Variants in MYCBP2 observed in about 807,000 individuals in gnomAD.
The protein encoded by MYCBP2 is E3 ubiquitin-protein ligase MYCBP2.
Under a neutral mutation model 525.3 loss-of-function variants are expected in MYCBP2, and 120 were observed. The ratio of observed to expected loss-of-function variants is 0.23; its 90% confidence interval spans 0.20 to 0.27. The LOEUF is 0.27. Ranked by LOEUF, MYCBP2 falls within the 10% of genes least tolerant of loss-of-function variation. MYCBP2 has a pLI of 1.00. For missense variants in MYCBP2, 4,149 were observed against 5,657.1 expected, an observed-to-expected ratio of 0.73 and a Z score of 8.55; for synonymous variants, 1,894 against 1,955.8, an observed-to-expected ratio of 0.97 and a Z score of 0.83.
rs760487474 is a variant in MYCBP2, at chr13:77,051,166, T to A, written c.13756-4A>T. 23 of 1,598,700 alleles carry A rather than the reference T, an allele frequency of 1.4e-5. No homozygotes were observed. The highest frequency in any genetic ancestry group is 1.9e-5 in the Non-Finnish European group (22 of 1,175,280). ...CTGTGCCATGTTTGGGACACATCTA[T>A]AGCAAAAGAGAAGAGACAGACACAA... On this transcript the variant is annotated splice_region_variant and splice_polypyrimidine_tract_variant and intron_variant, in intron 81 of 82. Transcript: ENST00000544440.
chr13:77,219,970 A>T (rs1784533287), intron 20 of MYCBP2, among the ~76,000 whole-genome samples: 1 of 152,194 alleles, frequency 6.6e-6, no homozygotes, highest in Non-Finnish European at 1.5e-5. Context: ...TATTAAGTCA[A>T]ATAGTTCAAT....
rs756357187 is a variant in MYCBP2 at position 77,126,343 on chromosome 13, C to T, written c.7859G>A (p.Gly2620Glu). ...CTCTCCCACTGCTTTGACTTTGTTT[C>T]CCAGAACTAACATTCCAATTGGGAT... ...RGIPIGMLVLGNKVKAVGEVT... is the reference protein window; with the variant it reads ...RGIPIGMLVLENKVKAVGEVT... Residue 2620 changes from glycine (G) to glutamate (E), a missense_variant, in exon 53 of 83, where the codon GGA (glycine) becomes GAA (glutamate). Coordinates refer to ENST00000544440, the MANE Select transcript of MYCBP2 (RefSeq NM_015057.5). 9.9e-6 allele frequency: 16 copies of T among 1,613,600 alleles called. No individual in the cohort carries two copies. Among genetic ancestry groups the T allele is most frequent in the African/African-American group, 4.0e-5 (3 of 74,884 alleles).
At chr13:77,304,076 T>G (rs1310456564) in intron 1 of MYCBP2, among the ~76,000 whole-genome samples, 1 of 152,112 alleles carries the variant, frequency 6.6e-6, no homozygotes, top group African/African-American at 2.4e-5. Context: ...TGGAGGCTCC[T>G]GAAAAAACTA....
At chr13:77,196,077 C>A (rs1235156769) in intron 26 of MYCBP2, among the ~76,000 whole-genome samples, 1 of 152,122 alleles carries the variant, frequency 6.6e-6, no homozygotes, top group African/African-American at 2.4e-5. Context: ...TTTAAGTAGG[C>A]TTACCAGGGA....
intron 26 of MYCBP2, among the ~76,000 whole-genome samples, chr13:77,202,221 C>A (rs1266946504): frequency 1.3e-5 from 2 of 152,168 alleles, no homozygotes; most frequent in African/African-American, 4.8e-5. Flanking sequence ...CATCACCGAT[C>A]CCACAGAAAT....
chr13:77,275,619 T>C (rs1482339474), intron 4 of MYCBP2, among the ~76,000 whole-genome samples: 1 of 152,082 alleles, frequency 6.6e-6, no homozygotes, highest in East Asian at 1.9e-4. Flanking sequence ...AGTCCAGGGT[T>C]TGAGGCTACC....
Position 77,150,795 on chromosome 13 carries a change from T to C in MYCBP2, c.7070A>G (p.Asp2357Gly). 1 of 1,614,170 alleles carries C rather than the reference T, an allele frequency of 6.2e-7. No homozygotes were observed. The highest frequency in any genetic ancestry group is 8.5e-7 in the Non-Finnish European group (1 of 1,180,008). ...CACTATCATTGGTTCATATGAAACA[T>C]CTAGCTTTGGTGATGCCAGCCCTCC... ...TYGGLASPKL[D>G]VSYEPMIVKE... Residue 2357 changes from aspartate (D) to glycine (G), a missense_variant, in exon 47 of 83, where the codon GAT becomes GGT. By Grantham distance (94) the Asp-to-Gly change is moderately conservative. Transcript: ENST00000544440.
intron 62 of MYCBP2, among the ~76,000 whole-genome samples, chr13:77,086,091 G>T (rs987694777): frequency 7.2e-5 from 11 of 152,000 alleles, no homozygotes; most frequent in African/African-American, 2.7e-4. Flanking sequence ...CATAGTCAAT[G>T]TTTTTTAAGA....
chr13:77,322,433 T>C (rs1594914628), intron 1 of MYCBP2, among the ~76,000 whole-genome samples: 1 of 152,322 alleles, frequency 6.6e-6, no homozygotes, highest in Non-Finnish European at 1.5e-5. Context: ...CTTTTTACCA[T>C]ATAGTCAAAC....
chr13:77,232,262 A>C (rs1213768739), intron 18 of MYCBP2, among the ~76,000 whole-genome samples: 1 of 152,202 alleles, frequency 6.6e-6, no homozygotes, highest in Non-Finnish European at 1.5e-5. Context: ...ATTTGTCTAC[A>C]TGGAAAGCAT....
In MYCBP2 at chr13:77,181,812, A is replaced by G; in HGVS notation, c.4830T>C (p.Tyr1610=). ...TTGATCGTAGTAATACTTCTCCATCATACGCAATCGGGAAGATGGAAGTCA... is the reference window on the plus strand; with the variant it reads ...TTGATCGTAGTAATACTTCTCCATCGTACGCAATCGGGAAGATGGAAGTCA... ...VKLTSIFPIA[Y]DGEVLLRSIV... is the part of the protein sequence containing the mutation. The change falls in exon 33 of 83, where the codon TAT becomes TAC. Residue 1610 remains tyrosine, a synonymous_variant. Transcript: ENST00000544440. 6.2e-7 allele frequency: 1 copy of G among 1,614,034 alleles called. No individual in the cohort carries two copies. The highest frequency in any genetic ancestry group is 8.5e-7 in the Non-Finnish European group (1 of 1,179,920).
chr13:77,121,197 G>A (rs1594724339), intron 55 of MYCBP2, 176 bp downstream of exon 55: 1 of 561,826 alleles, frequency 1.8e-6, no homozygotes. Flanking sequence ...AAAAACAACA[G>A]CAAAAAACAA....
chr13:77,271,181 A>G (rs2074841583), intron 5 of MYCBP2, among the ~76,000 whole-genome samples: 2 of 152,186 alleles, frequency 1.3e-5, no homozygotes, highest in Non-Finnish European at 2.9e-5. Flanking sequence ...ATATCTAAGG[A>G]CTTGGCAGGA....
At chr13:77,152,818 C>G (rs1291423583) in intron 46 of MYCBP2, among the ~76,000 whole-genome samples, 1 of 152,150 alleles carries the variant, frequency 6.6e-6, no homozygotes, top group African/African-American at 2.4e-5. Context: ...GTAATCCCAG[C>G]ACTTTTGGAG....
intron 74 of MYCBP2, among the ~76,000 whole-genome samples, 162 bp from the exon 75 acceptor site, chr13:77,061,952 T>C (rs889205093): frequency 1.2e-4 from 18 of 152,212 alleles, no homozygotes; most frequent in African/African-American, 3.9e-4. Context: ...TACTTAACTA[T>C]AAAAATCTCT....
At chr13:77,261,990 A>T (rs2073370106) in intron 11 of MYCBP2, 63 bp downstream of exon 11, 1 of 1,291,722 alleles carries the variant, frequency 7.7e-7, no homozygotes, top group Non-Finnish European at 1.1e-6. Context: ...ACTAATCAAC[A>T]GATTGTATTT....
intron 2 of MYCBP2, among the ~76,000 whole-genome samples, chr13:77,295,119 T>C (rs906711383): frequency 1.3e-5 from 2 of 152,010 alleles, no homozygotes; most frequent in Non-Finnish European, 2.9e-5. Flanking sequence ...GCTGAAAATA[T>C]GGGTTTGATT....
At chr13:77,104,356 T>A (rs1392102484) in intron 55 of MYCBP2, among the ~76,000 whole-genome samples, 1 of 152,132 alleles carries the variant, frequency 6.6e-6, no homozygotes, top group Admixed American at 6.6e-5. Flanking sequence ...GATACTGTTC[T>A]ATGCATTGCA....
chr13:77,313,504 T>C (rs1275818332), intron 1 of MYCBP2, among the ~76,000 whole-genome samples: 1 of 152,002 alleles, frequency 6.6e-6, no homozygotes, highest in Admixed American at 6.6e-5. Flanking sequence ...ACGGACTTTA[T>C]ATGTAAAATG....
Sources: gnomAD v4.1 joint callset for allele counts (sites outside exome capture counted in the v4.1 genomes callset) on GRCh38, gnomAD v4.1.1 for gene constraint, MANE v1.5 for transcripts, NCBI Gene and HGNC (gene_info 2026-07-23, HGNC 2026-07-21) for gene names.